PIGK: variants seen among roughly 807,000 people sequenced by gnomAD.
PIGK encodes the protein phosphatidylinositol glycan anchor biosynthesis class K, also known as GPI-anchor transamidase.
PIGK carries 42 observed loss-of-function variants against 50.6 expected under a neutral mutation model. The ratio of observed to expected loss-of-function variants is 0.83; its 90% confidence interval spans 0.65 to 1.07. The LOEUF is 1.07. PIGK is among the 50% of genes least tolerant of loss of function. PIGK has a pLI of 0.00. For synonymous variants in PIGK, 151 were observed against 156.0 expected (o/e 0.97, Z 0.24); for missense variants, 448 against 488.7 (o/e 0.92, Z 0.78).
chr1:77,150,822 C>A (rs534947979), intron 9 of PIGK, among the ~76,000 whole-genome samples: 4 of 152,064 alleles, frequency 2.6e-5, no homozygotes, highest in African/African-American at 9.6e-5. Context: ...CTAAACAGAC[C>A]AATAATGAGT....
chr1:77,204,941 C>T (rs1413404992), intron 3 of PIGK, among the ~76,000 whole-genome samples: 1 of 152,000 alleles, frequency 6.6e-6, no homozygotes, highest in East Asian at 1.9e-4. Flanking sequence ...TGTTTAAATC[C>T]TTAATTACCC....
At chr1:77,159,578 C>A (rs999308971) in intron 8 of PIGK, among the ~76,000 whole-genome samples, 13 of 152,222 alleles carry the variant, frequency 8.5e-5, no homozygotes, top group Non-Finnish European at 1.8e-4. Flanking sequence ...TGCAAAGCCA[C>A]AAGGGCAAAG....
chr1:77,096,787 G>A (rs994122369), intron 10 of PIGK, among the ~76,000 whole-genome samples: 8 of 151,832 alleles, frequency 5.3e-5, no homozygotes, highest in Non-Finnish European at 8.8e-5. Flanking sequence ...CATCCACAGC[G>A]GTGACAACGT....
intron 3 of PIGK, among the ~76,000 whole-genome samples, chr1:77,187,133 T>C (rs1475303944): frequency 2.6e-5 from 4 of 152,160 alleles, no homozygotes; most frequent in Non-Finnish European, 4.4e-5. Context: ...TGGAATTCAC[T>C]GGTCTTACCA....
Position 77,106,126 on chromosome 1 carries a change from G to C in PIGK, c.1072-13636C>G, listed in dbSNP as rs755350923. The stretch of plus-strand genomic sequence containing the variant: ...TCCCGTTACGCAAATATTCCTAAAT[G>C]GGCAAACAGTTAATGGGACAAGTTT... On this transcript the variant is annotated intron_variant, in intron 10 of 10. Transcript: ENST00000370812. Among the ~76,000 whole-genome samples, 4 of 152,270 alleles carry C rather than the reference G, an allele frequency of 2.6e-5. No homozygotes were observed. The Middle Eastern group carries it at 0.014, about 518-fold the overall frequency.
intron 3 of PIGK, among the ~76,000 whole-genome samples, chr1:77,177,700 G>A (rs986827857): frequency 2.6e-5 from 4 of 152,020 alleles, no homozygotes; most frequent in East Asian, 1.9e-4. Context: ...CTCTAGCGCC[G>A]CTGAGTTAGG....
intron 8 of PIGK, 139 bp downstream of exon 8, chr1:77,161,156 A>C: frequency 1.6e-6 from 1 of 609,598 alleles, no homozygotes; most frequent in South Asian, 2.1e-5. Context: ...TACAGGTAAA[A>C]GGTAGATATC....
At chr1:77,180,228 A>G (rs1287701429) in intron 3 of PIGK, among the ~76,000 whole-genome samples, 2 of 152,160 alleles carry the variant, frequency 1.3e-5, no homozygotes, top group African/African-American at 4.8e-5. Context: ...CCCCTGCAAA[A>G]CCTATTTCAC....
rs201009490 is a variant in PIGK at position 77,207,832 on chromosome 1, G to GT, written c.148-1102dup. 4.1e-3 allele frequency among the ~76,000 whole-genome samples: 628 copies of GT among 151,526 alleles called. 4 individuals are homozygous for GT. Among genetic ancestry groups the GT allele is most frequent in the African/African-American group, 0.014 (580 of 41,340 alleles). On this transcript the variant is annotated intron_variant, in intron 2 of 10. Transcript: ENST00000370812. ...CTGACAAACAGAAAGGAACTACATGGTTTTTTTTTAAATTAAGTTTTCAAC... is the reference window on the plus strand; with the variant it reads ...CTGACAAACAGAAAGGAACTACATGGTTTTTTTTTTAAATTAAGTTTTCAAC...
chr1:77,120,766 G>A (rs1000841566), intron 10 of PIGK, among the ~76,000 whole-genome samples: 2 of 152,104 alleles, frequency 1.3e-5, no homozygotes, highest in Non-Finnish European at 2.9e-5. Context: ...TTCCTATTGT[G>A]TAAAATTTCT....
In PIGK at chr1:77,090,545, G is replaced by T. The variant is rs1378140001; in HGVS notation, c.*1829C>A. 1 of 152,120 alleles carries T rather than the reference G, an allele frequency of 6.6e-6. No individual in the cohort carries two copies. Among genetic ancestry groups the T allele is most frequent in the African/African-American group, 2.4e-5 (1 of 41,426 alleles). The allele number at this position is 152,120 out of a possible 1,614,324, so 9.4% of individuals were successfully genotyped here. ...GGCACCTTCTACAACCTCTGAAGACGAATCCTTTTACTTTCTAGCAGTCTT... is the reference window on the plus strand; with the variant it reads ...GGCACCTTCTACAACCTCTGAAGACTAATCCTTTTACTTTCTAGCAGTCTT... On this transcript the variant is annotated 3_prime_UTR_variant, in exon 11 of 11. Coordinates refer to ENST00000370812, the MANE Select transcript of PIGK (RefSeq NM_005482.3).
intron 3 of PIGK, among the ~76,000 whole-genome samples, chr1:77,174,544 G>A (rs181313574): frequency 5.9e-5 from 9 of 152,258 alleles, no homozygotes; most frequent in Middle Eastern, 3.4e-3. Context: ...TAATAATCAG[G>A]TAGGAAATAT....
At chr1:77,136,251 C>T (rs1654510608) in intron 9 of PIGK, among the ~76,000 whole-genome samples, 6 of 151,992 alleles carry the variant, frequency 3.9e-5, no homozygotes, top group Admixed American at 2.0e-4. Flanking sequence ...TGCTGTCGGC[C>T]GGGCGCGGTG....
chr1:77,125,670 A>G (rs1158960227), intron 9 of PIGK, among the ~76,000 whole-genome samples: 2 of 152,136 alleles, frequency 1.3e-5, no homozygotes, highest in Admixed American at 6.5e-5. Flanking sequence ...TTAAGGTCTA[A>G]TACTATATCT....
intron 3 of PIGK, among the ~76,000 whole-genome samples, chr1:77,191,052 A>T (rs1655893308): frequency 6.6e-6 from 1 of 152,152 alleles, no homozygotes; most frequent in African/African-American, 2.4e-5. Context: ...TCCATTGCTT[A>T]ACTCCCCACT....
At position 77,169,380 on chromosome 1, in the gene PIGK, C is replaced by A. The variant is rs763029944; in HGVS notation, c.255G>T (p.Met85Ile). The A allele has an allele frequency of 5.6e-6, 9 of 1,594,204 alleles. No homozygotes were observed. The highest frequency in any genetic ancestry group is 7.7e-6 in the Non-Finnish European group (9 of 1,173,372). Residue 85 changes from methionine (M) to isoleucine (I), a missense_variant, in exon 4 of 11, where the codon ATG becomes ATT. Coordinates refer to ENST00000370812, the MANE Select transcript of PIGK (RefSeq NM_005482.3). ...GATTACAGGCCATATCATCTGCAAG[C>A]ATTAGGACAATGTGACTAGGGAAAA... is the stretch of plus-strand genomic sequence containing the variant. ...LGIPDSHIVLMLADDMACNPR... is the reference protein window; with the variant it reads ...LGIPDSHIVLILADDMACNPR...
chr1:77,191,357 C>G (rs1655899377), intron 3 of PIGK, among the ~76,000 whole-genome samples: 1 of 152,108 alleles, frequency 6.6e-6, no homozygotes, highest in Admixed American at 6.5e-5. Context: ...AGAAATTTTA[C>G]TTTTGTTATT....
At chr1:77,132,725 T>C (rs1024422131) in intron 9 of PIGK, among the ~76,000 whole-genome samples, 1 of 152,070 alleles carries the variant, frequency 6.6e-6, no homozygotes, top group African/African-American at 2.4e-5. Flanking sequence ...TAGTTTTATT[T>C]TATTTCAAGT....
At chr1:77,184,022 C>T (rs557086180) in intron 3 of PIGK, among the ~76,000 whole-genome samples, 213 of 152,190 alleles carry the variant, frequency 1.4e-3, no homozygotes, top group Non-Finnish European at 2.6e-3. Flanking sequence ...CAGTGGGAAC[C>T]GCAGTTGCTC....
Sources: gnomAD v4.1 joint callset for allele counts (sites outside exome capture counted in the v4.1 genomes callset) on GRCh38, gnomAD v4.1.1 for gene constraint, MANE v1.5 for transcripts, NCBI Gene and HGNC (gene_info 2026-07-23, HGNC 2026-07-21) for gene names.